The following IL1RAPL1 variants were observed in gnomAD, a reference collection of about 807,000 sequenced individuals.
IL1RAPL1 encodes interleukin-1 receptor accessory protein-like 1.
Under a neutral mutation model 48.4 loss-of-function variants are expected in IL1RAPL1, and 3 were observed. The observed-to-expected ratio is 0.06, with a 90% CI of 0.03 to 0.16. The LOEUF is 0.16. Among genes scored for constraint, IL1RAPL1 ranks in the 10% least tolerant of loss-of-function variants. The pLI, the probability that IL1RAPL1 is intolerant of heterozygous loss-of-function variation, is 1.00. For missense variants in IL1RAPL1, 349 were observed against 530.6 expected, an observed-to-expected ratio of 0.66 and a Z score of 3.36; for synonymous variants, 185 against 187.7, an observed-to-expected ratio of 0.99 and a Z score of 0.12.
At chrX:29,658,104 A>C (rs1569139359) in intron 5 of IL1RAPL1, among the ~76,000 whole-genome samples, 1 of 112,106 alleles carries the variant, frequency 8.9e-6, no homozygotes, top group African/African-American at 3.2e-5. Context: ...TAATTGTTTT[A>C]AAAGTGAAAT....
chrX:29,046,075 C>G (rs1288550137), intron 2 of IL1RAPL1, among the ~76,000 whole-genome samples: 1 of 106,902 alleles, frequency 9.4e-6, no homozygotes, highest in African/African-American at 3.4e-5. Flanking sequence ...TCAGGCATGG[C>G]CTTGCTCTGC....
chrX:29,428,837 C>G lies in IL1RAPL1; in HGVS notation c.703+29529C>G, dbSNP rs185862614. On this transcript the variant is annotated intron_variant, in intron 5 of 10. Transcript: ENST00000378993. ...CAAATCCTTAGTTGGTTTACCAAACCGTCAATCAGTAGCCCCCACTCATAC... is the reference window on the plus strand; with the variant it reads ...CAAATCCTTAGTTGGTTTACCAAACGGTCAATCAGTAGCCCCCACTCATAC... Among the ~76,000 whole-genome samples the G allele has an allele frequency of 9.0e-5, 10 of 111,490 alleles. No individual in the cohort carries two copies. In the South Asian group the frequency reaches 3.4e-3, roughly 38 times the overall value.
intron 2 of IL1RAPL1, among the ~76,000 whole-genome samples, chrX:28,923,912 T>C (rs1569200685): frequency 8.9e-6 from 1 of 112,051 alleles, no homozygotes; most frequent in Non-Finnish European, 1.9e-5. Context: ...TTAAATTAAG[T>C]ATTAAAATAA....
intron 6 of IL1RAPL1, among the ~76,000 whole-genome samples, chrX:29,899,110 T>G (rs1250765264): frequency 1.9e-5 from 2 of 106,209 alleles, no homozygotes; most frequent in Non-Finnish European, 1.9e-5. Context: ...TCTGTCTTAG[T>G]ATTTATTAGG....
intron 8 of IL1RAPL1, among the ~76,000 whole-genome samples, chrX:29,931,081 C>G (rs1269425996): frequency 4.5e-5 from 5 of 111,306 alleles, no homozygotes; most frequent in East Asian, 2.8e-4. Flanking sequence ...ATTTACTGCT[C>G]CCTTTGGATG....
intron 5 of IL1RAPL1, among the ~76,000 whole-genome samples, chrX:29,455,821 T>G (rs1247811255): frequency 1.8e-5 from 2 of 111,856 alleles, no homozygotes; most frequent in African/African-American, 3.2e-5. Flanking sequence ...TAAAAGTAGT[T>G]TTATTTCTCC....
intron 5 of IL1RAPL1, among the ~76,000 whole-genome samples, chrX:29,530,011 A>G (rs1426235344): frequency 8.9e-6 from 1 of 112,267 alleles, no homozygotes; most frequent in African/African-American, 3.2e-5. Flanking sequence ...CCTGCCTGGC[A>G]TATAAGTTCT....
At chrX:28,726,583 C>T (rs1569159480) in intron 1 of IL1RAPL1, among the ~76,000 whole-genome samples, 2 of 112,006 alleles carry the variant, frequency 1.8e-5, no homozygotes, top group Non-Finnish European at 1.9e-5. Context: ...GAAATTTAAA[C>T]ATTATTTAAG....
At chrX:29,651,107 C>CA (rs367929472) in intron 5 of IL1RAPL1, among the ~76,000 whole-genome samples, 1,757 of 93,015 alleles carry the variant, frequency 0.019, 41 homozygotes, top group African/African-American at 0.06. Flanking sequence ...TGGCTATTGT[C>CA]AAAAAAAAAA....
chrX:28,893,031 T>G (rs1018671074), intron 2 of IL1RAPL1, among the ~76,000 whole-genome samples: 2 of 110,825 alleles, frequency 1.8e-5, no homozygotes, highest in African/African-American at 6.6e-5. Context: ...AGCTGTGATG[T>G]CTTGGAGAAG....
intron 5 of IL1RAPL1, among the ~76,000 whole-genome samples, chrX:29,636,350 C>T (rs781762851): frequency 1.3e-3 from 141 of 111,814 alleles, no homozygotes; most frequent in Non-Finnish European, 2.2e-3. Context: ...TCCTATTTTT[C>T]GCCCATCAGA....
At chrX:29,276,112 A>G (rs1248525334) in intron 2 of IL1RAPL1, among the ~76,000 whole-genome samples, 2 of 111,815 alleles carry the variant, frequency 1.8e-5, no homozygotes, top group Non-Finnish European at 3.8e-5. Flanking sequence ...GCTCCTCTAA[A>G]TTGGGAAAAG....
intron 2 of IL1RAPL1, among the ~76,000 whole-genome samples, chrX:29,119,335 G>A (rs1046513094): frequency 1.8e-5 from 2 of 111,078 alleles, no homozygotes; most frequent in African/African-American, 6.5e-5. Context: ...AAAATTAAAA[G>A]ATCATTTCAT....
chrX:28,644,650 A>C (rs772548285), intron 1 of IL1RAPL1, among the ~76,000 whole-genome samples: 5 of 111,598 alleles, frequency 4.5e-5, no homozygotes, highest in Non-Finnish European at 7.5e-5. Flanking sequence ...AAGCTCTACT[A>C]TACTTTGATG....
chrX:28,909,794 G>A (rs1485781766), intron 2 of IL1RAPL1, among the ~76,000 whole-genome samples: 1 of 111,279 alleles, frequency 9.0e-6, no homozygotes, highest in Non-Finnish European at 1.9e-5. Context: ...AGTAAAAACT[G>A]GTTTATTCCC....
At chrX:29,503,927 A>C (rs938260283) in intron 5 of IL1RAPL1, among the ~76,000 whole-genome samples, 2 of 108,338 alleles carry the variant, frequency 1.8e-5, no homozygotes, top group African/African-American at 6.7e-5. Context: ...CTAGGATAAT[A>C]AGCAGGAGCC....
intron 6 of IL1RAPL1, among the ~76,000 whole-genome samples, chrX:29,912,155 A>T (rs886744530): frequency 8.9e-6 from 1 of 111,979 alleles, no homozygotes; most frequent in East Asian, 2.8e-4. Flanking sequence ...GTGGTAACTG[A>T]CTTTTGCAAG....
chrX:29,442,377 A>G (rs1255624560), intron 5 of IL1RAPL1, among the ~76,000 whole-genome samples: 1 of 110,725 alleles, frequency 9.0e-6, no homozygotes, highest in Admixed American at 9.7e-5. Flanking sequence ...GGTGAGGGAT[A>G]GAAGGCTACA....
chrX:29,336,268 C>CTATATATATATATA (rs1569289381), intron 3 of IL1RAPL1, among the ~76,000 whole-genome samples: 1 of 5,208 alleles, frequency 1.9e-4, no homozygotes, highest in Non-Finnish European at 4.5e-4. Context: ...CATATATATG[C>CTATATATATATATA]CATATATATA....
Sources: gnomAD v4.1 joint callset for allele counts (sites outside exome capture counted in the v4.1 genomes callset) on GRCh38, gnomAD v4.1.1 for gene constraint, MANE v1.5 for transcripts, NCBI Gene and HGNC (gene_info 2026-07-23, HGNC 2026-07-21) for gene names.